Variants in RXFP1 observed in about 807,000 individuals in gnomAD.
The protein encoded by RXFP1 is relaxin family peptide receptor 1, also known as relaxin receptor 1.
In RXFP1, 73 loss-of-function variants were observed where a neutral mutation model predicts 89.8. That is an observed-to-expected ratio of 0.81 (90% CI 0.67 to 0.99). RXFP1 has a LOEUF of 0.99. RXFP1 is among the 50% of genes least tolerant of loss of function. The pLI is 0.00. For synonymous variants in RXFP1, 277 were observed against 305.5 expected, an observed-to-expected ratio of 0.91 and a Z score of 0.97; for missense variants, 793 against 895.5, an observed-to-expected ratio of 0.89 and a Z score of 1.46.
At chr4:158,575,366 AAG>A (rs2150007191) in intron 2 of RXFP1, among the ~76,000 whole-genome samples, 1 of 152,290 alleles carries the variant, frequency 6.6e-6, no homozygotes, top group Admixed American at 6.5e-5. Context: ...CAGGAATAAT[AAG>A]AGTATCCATG....
chr4:158,545,666 A>G (rs1748132041), intron 1 of RXFP1, among the ~76,000 whole-genome samples: 1 of 152,168 alleles, frequency 6.6e-6, no homozygotes, highest in African/African-American at 2.4e-5. Flanking sequence ...CTTTCTACAT[A>G]TGGCTAGCCA....
At chr4:158,570,025 A>C (rs1332329068) in intron 1 of RXFP1, among the ~76,000 whole-genome samples, 3 of 152,230 alleles carry the variant, frequency 2.0e-5, no homozygotes, top group Admixed American at 6.5e-5. Context: ...AGCAAATCAG[A>C]TAATATTTCA....
intron 1 of RXFP1, among the ~76,000 whole-genome samples, chr4:158,553,306 TTTTTG>T (rs1216643531): frequency 6.6e-6 from 1 of 152,208 alleles, no homozygotes; most frequent in Non-Finnish European, 1.5e-5. Context: ...CAATAAAATA[TTTTTG>T]TTTTATTTTG....
intron 3 of RXFP1, among the ~76,000 whole-genome samples, chr4:158,593,905 C>A (rs1760030662): frequency 6.6e-6 from 1 of 152,162 alleles, no homozygotes. Context: ...AGAAAAAATT[C>A]TTCTGAGCTG....
At chr4:158,604,118 A>T (rs1762172644) in intron 4 of RXFP1, among the ~76,000 whole-genome samples, 1 of 151,920 alleles carries the variant, frequency 6.6e-6, no homozygotes, top group Non-Finnish European at 1.5e-5. Context: ...TTTAAGAAGG[A>T]TTCATCACCA....
At chr4:158,545,743 A>G (rs1748162945) in intron 1 of RXFP1, among the ~76,000 whole-genome samples, 1 of 152,202 alleles carries the variant, frequency 6.6e-6, no homozygotes, top group Non-Finnish European at 1.5e-5. Flanking sequence ...CAGGTTTGTC[A>G]AAGATCAGAT....
At chr4:158,542,111 T>A (rs866295300) in intron 1 of RXFP1, among the ~76,000 whole-genome samples, 1,494 of 27,392 alleles carry the variant, frequency 0.055, 71 homozygotes, top group African/African-American at 0.13. Context: ...ATATATATAT[T>A]TTTTTTTTAG....
intron 1 of RXFP1, among the ~76,000 whole-genome samples, chr4:158,538,042 C>T (rs939390697): frequency 6.6e-6 from 1 of 152,130 alleles, no homozygotes; most frequent in Non-Finnish European, 1.5e-5. Context: ...CAGACCAAAC[C>T]TAGCACATCA....
chr4:158,637,909 G>A (rs185677899), intron 12 of RXFP1, 99 bp from the exon 13 acceptor site: 38 of 719,308 alleles, frequency 5.3e-5, no homozygotes, highest in Admixed American at 9.6e-5. Context: ...GTATACTTTC[G>A]TTCATAAATA....
At chr4:158,522,800 A>G (rs1160238078) in intron 1 of RXFP1, among the ~76,000 whole-genome samples, 1 of 152,178 alleles carries the variant, frequency 6.6e-6, no homozygotes, top group African/African-American at 2.4e-5. Flanking sequence ...GGTATCTTTA[A>G]TACTTTATGA....
chr4:158,587,210 C>A (rs1561071662), intron 2 of RXFP1, among the ~76,000 whole-genome samples: 1 of 152,164 alleles, frequency 6.6e-6, no homozygotes, highest in Non-Finnish European at 1.5e-5. Flanking sequence ...CCTTCACAAG[C>A]CCATTTCTCA....
Position 158,599,372 on chromosome 4 carries a change from T to A in RXFP1, c.333T>A (p.Leu111=). ...AATGTCTTTGCCAAGGTCTGGAGCT[T>A]GACTGTGATGAAACCAATTTACGAG... is the stretch of plus-strand genomic sequence containing the variant. ...PVQCLCQGLE[L]DCDETNLRAV... Residue 111 remains leucine, a synonymous_variant, in exon 4 of 18, where the codon CTT becomes CTA. Transcript: ENST00000307765. 1 of 1,613,900 alleles carries A rather than the reference T, an allele frequency of 6.2e-7. No homozygotes were observed.
Position 158,608,061 on chromosome 4 carries a change from T to G in RXFP1, c.536+18T>G. 6.5e-7 allele frequency: 1 copy of G among 1,533,120 alleles called. No homozygotes were observed. 95.0% of individuals were successfully genotyped at this position (1,533,120 alleles called of 1,614,324 possible). Reference sequence around the variant, plus strand: ...ACTAAACTGTAAGTACCAGTGTGAATTAATTTGCCCATTCCATGGTAGTCT... The same window carrying G: ...ACTAAACTGTAAGTACCAGTGTGAAGTAATTTGCCCATTCCATGGTAGTCT... On this transcript the variant is annotated intron_variant, in intron 6 of 17. Transcript: ENST00000307765.
chr4:158,646,530 C>G, intron 15 of RXFP1: 1 of 1,286,028 alleles, frequency 7.8e-7, no homozygotes, highest in Admixed American at 3.5e-5. Context: ...AAGATCTGTG[C>G]TGTTAGAGAC....
chr4:158,627,510 TGTGTGTGTG>T (rs1767113442), intron 10 of RXFP1, among the ~76,000 whole-genome samples: 1 of 58,638 alleles, frequency 1.7e-5, no homozygotes, highest in African/African-American at 1.0e-4. Context: ...TTAGGGTGTG[TGTGTGTGTG>T]TGTGTGTGTG....
At chr4:158,569,154 G>A (rs910553159) in intron 1 of RXFP1, among the ~76,000 whole-genome samples, 10 of 152,200 alleles carry the variant, frequency 6.6e-5, no homozygotes, top group Admixed American at 2.0e-4. Flanking sequence ...AAGCAACCAA[G>A]ATGTCTTTCA....
chr4:158,592,142 G>T (rs1208933238), intron 2 of RXFP1, among the ~76,000 whole-genome samples: 1 of 151,992 alleles, frequency 6.6e-6, no homozygotes, highest in Non-Finnish European at 1.5e-5. Flanking sequence ...TGACATAGGG[G>T]TTTAAAATAG....
chr4:158,568,230 G>A (rs1218418919), intron 1 of RXFP1, among the ~76,000 whole-genome samples: 1 of 152,146 alleles, frequency 6.6e-6, no homozygotes, highest in Non-Finnish European at 1.5e-5. Context: ...TCAACGCGAG[G>A]GTCTGCGGCT....
chr4:158,647,668 G>A (rs1173348947), intron 16 of RXFP1, among the ~76,000 whole-genome samples: 28 of 151,960 alleles, frequency 1.8e-4, no homozygotes, highest in Admixed American at 1.8e-3. Flanking sequence ...CAGGAGTTGA[G>A]ACCAGCCTGG....
Sources: allele counts gnomAD v4.1 joint callset (sites outside exome capture counted in the v4.1 genomes callset), GRCh38; gene constraint gnomAD v4.1.1; transcripts MANE v1.5; gene names NCBI Gene and HGNC (gene_info 2026-07-23, HGNC 2026-07-21).